Variants in DYNC2H1 observed in about 807,000 individuals in gnomAD.
The protein encoded by DYNC2H1 is dynein cytoplasmic 2 heavy chain 1, also known as cytoplasmic dynein 2 heavy chain 1.
DYNC2H1 carries 410 observed loss-of-function variants against 570.0 expected under a neutral mutation model. The ratio of observed to expected loss-of-function variants is 0.72; its 90% CI spans 0.66 to 0.78. The LOEUF (loss-of-function observed/expected upper bound fraction) is 0.78, where lower values mean the gene tolerates loss of function less well. Ranked by LOEUF, DYNC2H1 falls within the 30% of genes least tolerant of loss-of-function variation. DYNC2H1 has a pLI of 0.00. For missense variants in DYNC2H1, 4,865 were observed against 5,046.4 expected, an observed-to-expected ratio of 0.96 and a Z score of 1.09; for synonymous variants, 1,688 against 1,677.6, an observed-to-expected ratio of 1.01 and a Z score of -0.15.
At chr11:103,193,087 G>A (rs934959106) in intron 47 of DYNC2H1, among the ~76,000 whole-genome samples, 1 of 152,124 alleles carries the variant, frequency 6.6e-6, no homozygotes, top group African/African-American at 2.4e-5. Context: ...TATCCTAAAG[G>A]GAACTTCGAG....
intron 17 of DYNC2H1, 149 bp downstream of exon 17, chr11:103,136,097 C>A (rs1859525156): frequency 6.6e-6 from 4 of 606,934 alleles, no homozygotes; most frequent in Non-Finnish European, 9.9e-6. Context: ...GATACTTATA[C>A]AACCTAGATT....
intron 83 of DYNC2H1, among the ~76,000 whole-genome samples, chr11:103,389,796 ATTGAGTGGTT>A (rs1166948859): frequency 2.0e-5 from 3 of 151,768 alleles, no homozygotes; most frequent in African/African-American, 7.3e-5. Flanking sequence ...TTTCCATGTA[ATTGAGTGGTT>A]TTGAGTGAGT....
At chr11:103,361,628 T>C (rs1940645252) in intron 83 of DYNC2H1, among the ~76,000 whole-genome samples, 1 of 151,982 alleles carries the variant, frequency 6.6e-6, no homozygotes, top group East Asian at 1.9e-4. Context: ...AAGGAGAGCA[T>C]TCAGGAAGCT....
At chr11:103,263,624 C>T (rs1393482518) in intron 70 of DYNC2H1, among the ~76,000 whole-genome samples, 1 of 151,930 alleles carries the variant, frequency 6.6e-6, no homozygotes, top group Non-Finnish European at 1.5e-5. Flanking sequence ...AGGTAAATAA[C>T]AAAATTAAGG....
chr11:103,178,138 G>C (rs1861702926), intron 38 of DYNC2H1, among the ~76,000 whole-genome samples: 2 of 152,070 alleles, frequency 1.3e-5, no homozygotes, highest in African/African-American at 4.8e-5. Context: ...TAAACAAGAT[G>C]ACAGATTTTT....
chr11:103,209,952 A>G lies in DYNC2H1; in HGVS notation c.8531A>G (p.Lys2844Arg), dbSNP rs759479013. 5.2e-5 allele frequency: 78 copies of G among 1,489,258 alleles called. No homozygotes were observed. Among genetic ancestry groups the G allele is most frequent in the Non-Finnish European group, 6.7e-5 (75 of 1,119,090 alleles). The allele number at this position is 1,489,258 out of a possible 1,614,324, so 92.3% of individuals were successfully genotyped here. ...NDKKRKEEKK[K>R]NSVDPDFLKS... ...AAAAAACGAAAAGAAGAAAAGAAAA[A>G]AAATTCAGGTAGTATTTTGATAAAA... Residue 2844 changes from lysine (K) to arginine (R), a missense_variant, in exon 53 of 89, where the codon AAA (lysine) becomes AGA (arginine). This residue lies in a region of DYNC2H1 where 2,401 missense variants were observed against 2,454.6 expected (regional missense o/e 0.98). Transcript: ENST00000375735. The surrounding 1 kb of genome is among the most constrained non-coding windows in gnomAD (Gnocchi z 4.2).
chr11:103,255,990 T>C, intron 67 of DYNC2H1, 116 bp from the exon 68 acceptor site: 1 of 910,878 alleles, frequency 1.1e-6, no homozygotes, highest in Non-Finnish European at 1.6e-6. Flanking sequence ...GTTGAAATTC[T>C]TCTAAAATAA....
Position 103,174,147 on chromosome 11 carries a change from A to G in DYNC2H1, c.5651A>G (p.Asn1884Ser). Residue 1884 changes from asparagine (N) to serine (S), a missense_variant, in exon 36 of 89, where the codon AAC becomes AGC. Transcript: ENST00000375735. The part of the protein sequence containing the change: ...RGSGNLLRQL[N>S]KSGTTQNANE... Reference sequence around the variant, plus strand: ...AGTGGAAATCTCCTTAGACAGCTAAACAAAAGTGGCACTACACAGAATGGT... The same window carrying G: ...AGTGGAAATCTCCTTAGACAGCTAAGCAAAAGTGGCACTACACAGAATGGT... The G allele has an allele frequency of 1.3e-6, 2 of 1,580,822 alleles. No individual in the cohort carries two copies. Among genetic ancestry groups the G allele is most frequent in the Non-Finnish European group, 1.7e-6 (2 of 1,161,758 alleles).
At chr11:103,240,748 T>C (rs1170754738) in intron 63 of DYNC2H1, among the ~76,000 whole-genome samples, 3 of 152,158 alleles carry the variant, frequency 2.0e-5, no homozygotes, top group African/African-American at 7.2e-5. Flanking sequence ...TCCTTTACTG[T>C]TGTTGGAGTG....
chr11:103,207,659 G>T (rs1862993785), intron 52 of DYNC2H1, among the ~76,000 whole-genome samples: 1 of 152,076 alleles, frequency 6.6e-6, no homozygotes, highest in African/African-American at 2.4e-5. Flanking sequence ...AAGAGGGAAA[G>T]GATTAGGAGA....
chr11:103,169,415 C>T (rs12361541), intron 32 of DYNC2H1, among the ~76,000 whole-genome samples: 7,574 of 152,172 alleles, frequency 0.05, 255 homozygotes, highest in Non-Finnish European at 0.071. Flanking sequence ...TAAACATGTT[C>T]TCAAAAATTC....
In DYNC2H1 at chr11:103,286,418, G is replaced by A. The variant is rs1319089127; in HGVS notation, c.11022+32G>A. On this transcript the variant is annotated intron_variant, in intron 74 of 88. Coordinates refer to ENST00000375735, the MANE Select transcript of DYNC2H1 (RefSeq NM_001377.3). Reference sequence around the variant, plus strand: ...TTTAGTGTTATCTAAATGCAAAAAAGTGTTTAATGTTTCTCTTATTATTCA... The same window carrying A: ...TTTAGTGTTATCTAAATGCAAAAAAATGTTTAATGTTTCTCTTATTATTCA... 14 of 1,599,366 alleles carry A rather than the reference G, an allele frequency of 8.8e-6. No individual in the cohort carries two copies. In the East Asian group the frequency reaches 3.1e-4, roughly 36 times the overall value.
chr11:103,399,846 T>G lies in DYNC2H1; in HGVS notation c.12340T>G (p.Leu4114Val). ...TTLLSSEVQK[L>V]ASALLNQKCP... ...TTTACTGAGTTCAGAAGTACAAAAATTGGCAAGTGCTTTATTAAACCAAAA... is the reference window on the plus strand; with the variant it reads ...TTTACTGAGTTCAGAAGTACAAAAAGTGGCAAGTGCTTTATTAAACCAAAA... The change falls in exon 84 of 89, where the codon TTG (leucine) becomes GTG (valine). Residue 4114 changes from leucine to valine, a missense_variant. Leu to Val is a conservative substitution (Grantham distance 32, BLOSUM62 1). Around this residue, in one of 5 missense-constraint regions of DYNC2H1, gnomAD observed 2,401 missense variants for 2,454.6 expected, o/e 0.98. Coordinates refer to ENST00000375735, the MANE Select transcript of DYNC2H1 (RefSeq NM_001377.3). 1.2e-6 allele frequency: 2 copies of G among 1,613,712 alleles called. No individual in the cohort carries two copies. Among genetic ancestry groups the G allele is most frequent in the Non-Finnish European group, 1.7e-6 (2 of 1,179,798 alleles).
intron 83 of DYNC2H1, among the ~76,000 whole-genome samples, chr11:103,390,773 A>T (rs11225760): frequency 0.035 from 5,398 of 152,226 alleles, 315 homozygotes; most frequent in African/African-American, 0.12. Context: ...GTTTGGCTGG[A>T]TATGAAATTC....
At chr11:103,348,982 T>C (rs1264611231) in intron 82 of DYNC2H1, among the ~76,000 whole-genome samples, 9 of 152,184 alleles carry the variant, frequency 5.9e-5, no homozygotes, top group Admixed American at 5.9e-4. Flanking sequence ...CCTTCCACCA[T>C]GATTGTAAGT....
intron 84 of DYNC2H1, among the ~76,000 whole-genome samples, chr11:103,408,996 A>C (rs774249188): frequency 1.3e-5 from 2 of 152,044 alleles, no homozygotes; most frequent in Non-Finnish European, 1.5e-5. Context: ...AGACAGCTGA[A>C]GCCTCGTGTG....
At chr11:103,409,875 C>T (rs1254112945) in intron 84 of DYNC2H1, among the ~76,000 whole-genome samples, 1 of 150,598 alleles carries the variant, frequency 6.6e-6, no homozygotes, top group Non-Finnish European at 1.5e-5. Context: ...AAGGGTTTGT[C>T]TTTGCTTTTT....
intron 83 of DYNC2H1, among the ~76,000 whole-genome samples, chr11:103,398,833 G>T (rs1033492747): frequency 2.4e-4 from 36 of 151,938 alleles, no homozygotes; most frequent in Admixed American, 5.2e-4. Flanking sequence ...CACAGGCCTT[G>T]TTAAAGCATA....
intron 87 of DYNC2H1, among the ~76,000 whole-genome samples, chr11:103,467,901 G>C (rs1945245083): frequency 6.6e-6 from 1 of 152,094 alleles, no homozygotes; most frequent in Admixed American, 6.6e-5. Flanking sequence ...ATATAGATGT[G>C]GCTCTTAGGG....
Sources: allele counts gnomAD v4.1 joint callset (sites outside exome capture counted in the v4.1 genomes callset), GRCh38; gene constraint gnomAD v4.1.1; regional missense constraint gnomAD v4.1.1; non-coding constraint Gnocchi (gnomAD v3.1); transcripts MANE v1.5; gene names NCBI Gene and HGNC (gene_info 2026-07-23, HGNC 2026-07-21).